NEGR1: variants seen among roughly 807,000 people sequenced by gnomAD.
The protein encoded by NEGR1 is IgLON family member 4.
A neutral mutation model predicts 40.9 loss-of-function variants in NEGR1; 10 were observed. The observed-to-expected ratio is 0.24, with a 90% CI of 0.15 to 0.42. NEGR1 has a LOEUF of 0.42. Among genes scored for constraint, NEGR1 ranks in the 10% least tolerant of loss-of-function variants. The pLI is 1.00. For missense variants in NEGR1, 352 were observed against 438.9 expected (o/e 0.80, Z 1.77); for synonymous variants, 185 against 166.8 (o/e 1.11, Z -0.84).
intron 4 of NEGR1, among the ~76,000 whole-genome samples, chr1:71,640,867 G>C (rs1651326907): frequency 7.1e-6 from 1 of 141,024 alleles, no homozygotes; most frequent in African/African-American, 2.8e-5. Flanking sequence ...AACACAAAAA[G>C]TGCCCAGAAC....
intron 5 of NEGR1, among the ~76,000 whole-genome samples, chr1:71,606,176 G>A (rs1330173629): frequency 6.6e-6 from 1 of 152,172 alleles, no homozygotes. Context: ...TCTGAAACTA[G>A]GTTATAAAGG....
intron 2 of NEGR1, among the ~76,000 whole-genome samples, chr1:71,913,535 G>A (rs958639885): frequency 6.6e-5 from 10 of 152,100 alleles, no homozygotes; most frequent in Admixed American, 3.9e-4. Context: ...CCATGTTCTC[G>A]TTTTTGGATG....
intron 4 of NEGR1, among the ~76,000 whole-genome samples, chr1:71,641,407 A>T (rs1361511598): frequency 6.6e-6 from 1 of 152,080 alleles, no homozygotes. Flanking sequence ...GGTGTATAAA[A>T]ACATTTTGTG....
intron 3 of NEGR1, among the ~76,000 whole-genome samples, chr1:71,761,115 A>G (rs10789325): frequency 1.3e-5 from 2 of 151,932 alleles, no homozygotes; most frequent in African/African-American, 4.8e-5. Context: ...TGCTAAATCT[A>G]TATATCTCAG....
intron 4 of NEGR1, among the ~76,000 whole-genome samples, chr1:71,657,359 TA>T (rs1468743790): frequency 9.2e-5 from 14 of 152,198 alleles, no homozygotes; most frequent in African/African-American, 3.4e-4. Context: ...TTTGGGGAAT[TA>T]AATTCTCATG....
intron 1 of NEGR1, among the ~76,000 whole-genome samples, chr1:72,183,789 T>G (rs533476216): frequency 6.6e-6 from 1 of 152,196 alleles, no homozygotes; most frequent in African/African-American, 2.4e-5. Flanking sequence ...TATAAGAACT[T>G]GAGAGGATGT....
At chr1:72,251,417 T>G (rs1478940106) in intron 1 of NEGR1, among the ~76,000 whole-genome samples, 1 of 152,160 alleles carries the variant, frequency 6.6e-6, no homozygotes, top group Non-Finnish European at 1.5e-5. Context: ...ACAGACTTAC[T>G]CAAAACCACA....
At chr1:72,205,756 C>CAAA (rs35490878) in intron 1 of NEGR1, among the ~76,000 whole-genome samples, 8 of 30,884 alleles carry the variant, frequency 2.6e-4, no homozygotes, top group Admixed American at 5.2e-4. Context: ...CCCATTTCTA[C>CAAA]AAAAAAAAAA....
chr1:71,522,501 G>A (rs1474185970), intron 6 of NEGR1, among the ~76,000 whole-genome samples: 1 of 151,248 alleles, frequency 6.6e-6, no homozygotes, highest in Non-Finnish European at 1.5e-5. Flanking sequence ...GGTAGCGAAA[G>A]AGGTAAGGCC....
chr1:71,570,548 C>G (rs897572687), intron 6 of NEGR1, among the ~76,000 whole-genome samples: 1 of 151,986 alleles, frequency 6.6e-6, no homozygotes, highest in African/African-American at 2.4e-5. Flanking sequence ...AAGTACTTTT[C>G]TTATTTGTTA....
intron 4 of NEGR1, among the ~76,000 whole-genome samples, chr1:71,695,432 G>C (rs531310220): frequency 1.3e-5 from 2 of 151,638 alleles, no homozygotes; most frequent in Admixed American, 1.3e-4. Flanking sequence ...ACTTATAACT[G>C]TACTTATCTA....
At position 71,914,239 on chromosome 1, in the gene NEGR1, C is replaced by A. The variant is rs76773738; in HGVS notation, c.409+20840G>T. On this transcript the variant is annotated intron_variant, in intron 2 of 6. Transcript: ENST00000357731. ...CTGAGGACAGGAATACATTATTTTC[C>A]TTACTTCAGTGTCTGACTCATCTTG... is the stretch of plus-strand genomic sequence containing the variant. Among the ~76,000 whole-genome samples, 12 of 152,284 alleles carry A rather than the reference C, an allele frequency of 7.9e-5. No homozygotes were observed. The East Asian group carries it at 2.3e-3, about 29-fold the overall frequency.
intron 1 of NEGR1, among the ~76,000 whole-genome samples, chr1:72,263,585 A>G (rs547157504): frequency 5.0e-4 from 76 of 151,814 alleles, no homozygotes; most frequent in Non-Finnish European, 8.9e-5. Context: ...TACGCTTAAT[A>G]AAAGCGACCT....
chr1:72,032,554 T>C (rs1646867656), intron 1 of NEGR1, among the ~76,000 whole-genome samples: 2 of 152,316 alleles, frequency 1.3e-5, no homozygotes, highest in East Asian at 3.9e-4. Context: ...AGGACCCAAG[T>C]TAATAGTTGA....
At chr1:72,067,354 C>T (rs1308957621) in intron 1 of NEGR1, among the ~76,000 whole-genome samples, 1 of 151,934 alleles carries the variant, frequency 6.6e-6, no homozygotes, top group African/African-American at 2.4e-5. Context: ...ACAGAGTGAA[C>T]TGAATTTTGA....
At chr1:71,651,628 C>T (rs1056547925) in intron 4 of NEGR1, among the ~76,000 whole-genome samples, 1 of 152,000 alleles carries the variant, frequency 6.6e-6, no homozygotes, top group African/African-American at 2.4e-5. Context: ...TATTCTGATC[C>T]CCCAATCATA....
chr1:71,957,187 T>C (rs956799219), intron 1 of NEGR1, among the ~76,000 whole-genome samples: 1 of 152,156 alleles, frequency 6.6e-6, no homozygotes, highest in Non-Finnish European at 1.5e-5. Flanking sequence ...GTCATGACTA[T>C]ATCCCAGTGG....
chr1:71,414,619 A>G (rs779623007), intron 6 of NEGR1, among the ~76,000 whole-genome samples: 3 of 152,196 alleles, frequency 2.0e-5, no homozygotes, highest in African/African-American at 7.2e-5. Context: ...GACATGCTCT[A>G]TCATCTCATG....
chr1:71,774,726 G>A (rs543091263), intron 3 of NEGR1, among the ~76,000 whole-genome samples: 1 of 152,108 alleles, frequency 6.6e-6, no homozygotes, highest in East Asian at 1.9e-4. Flanking sequence ...TCATTCATCT[G>A]AAATGAGGTG....
Sources: gnomAD v4.1 joint callset for allele counts (sites outside exome capture counted in the v4.1 genomes callset) on GRCh38, gnomAD v4.1.1 for gene constraint, MANE v1.5 for transcripts, NCBI Gene and HGNC (gene_info 2026-07-23, HGNC 2026-07-21) for gene names.